GNG7: variants seen among roughly 807,000 people sequenced by gnomAD.
GNG7 encodes guanine nucleotide-binding protein G(I)/G(S)/G(O) subunit gamma-7.
GNG7 carries 1 observed loss-of-function variant against 4.0 expected under a neutral mutation model. The ratio of observed to expected loss-of-function variants is 0.25; its 90% CI spans 0.09 to 1.18. GNG7 has a LOEUF of 1.18. Ranked by LOEUF, GNG7 falls within the 50% of genes most tolerant of loss-of-function variation. The pLI is 0.50. For missense variants in GNG7, 86 were observed against 91.9 expected (o/e 0.94, Z 0.26); for synonymous variants, 34 against 36.9 (o/e 0.92, Z 0.29).
At chr19:2,670,425 G>T (rs114140407) in intron 1 of GNG7, among the ~76,000 whole-genome samples, 1 of 152,186 alleles carries the variant, frequency 6.6e-6, no homozygotes, top group Non-Finnish European at 1.5e-5. Context: ...TCCCAGCGCC[G>T]GTGTCTGCAG....
At chr19:2,564,635 GT>G (rs1979846496) in intron 2 of GNG7, among the ~76,000 whole-genome samples, 1 of 152,070 alleles carries the variant, frequency 6.6e-6, no homozygotes. Context: ...GGACATGGCT[GT>G]GTGGAGATGG....
chr19:2,634,131 C>T lies in GNG7; in HGVS notation c.-78+12093G>A, dbSNP rs770262840. Among the ~76,000 whole-genome samples the T allele has an allele frequency of 3.3e-5, 5 of 152,184 alleles. No individual in the cohort carries two copies. The highest frequency in any genetic ancestry group is 1.3e-4 in the Admixed American group (2 of 15,290). ...AGCTGGGGGTCCTCCTGGTTTACAC[C>T]GTCTGCCCCACTGGGCGTTTATGGT... On this transcript the variant is annotated intron_variant, in intron 2 of 4. Coordinates refer to ENST00000382159, the MANE Select transcript of GNG7 (RefSeq NM_052847.3). This position sits in a 1 kb window ranked among gnomAD's most constrained non-coding sequence, Gnocchi z 5.3.
intron 2 of GNG7, among the ~76,000 whole-genome samples, chr19:2,627,039 G>C (rs1982038784): frequency 1.3e-5 from 2 of 152,120 alleles, no homozygotes; most frequent in African/African-American, 4.8e-5. Flanking sequence ...CCAGCTCCTG[G>C]GACTCATCTC....
At chr19:2,554,171 T>C (rs1361597259) in intron 3 of GNG7, among the ~76,000 whole-genome samples, 1 of 145,250 alleles carries the variant, frequency 6.9e-6, no homozygotes, top group East Asian at 1.9e-4. Context: ...ATATAATATA[T>C]AATATATATA....
chr19:2,581,625 G>T (rs977920573), intron 2 of GNG7, among the ~76,000 whole-genome samples: 9 of 152,182 alleles, frequency 5.9e-5, no homozygotes, highest in Non-Finnish European at 1.0e-4. Context: ...ACCCTGCAGG[G>T]ATGGGACACC....
chr19:2,564,171 G>A (rs370309754), intron 2 of GNG7, among the ~76,000 whole-genome samples: 2 of 152,186 alleles, frequency 1.3e-5, no homozygotes, highest in East Asian at 1.9e-4. Context: ...AGCTTGGCAC[G>A]TAACCTTCTC....
chr19:2,640,946 G>A (rs979599449), intron 2 of GNG7, among the ~76,000 whole-genome samples: 1 of 152,256 alleles, frequency 6.6e-6, no homozygotes, highest in Non-Finnish European at 1.5e-5. Flanking sequence ...AAGTTCTGAC[G>A]TCAATCAGGG....
At chr19:2,645,626 C>T (rs1982645295) in intron 2 of GNG7, among the ~76,000 whole-genome samples, 1 of 152,138 alleles carries the variant, frequency 6.6e-6, no homozygotes, top group Non-Finnish European at 1.5e-5. Flanking sequence ...ACCATCGGGT[C>T]CATTTCCACG....
At chr19:2,515,822 G>A (rs573300606) in intron 4 of GNG7, among the ~76,000 whole-genome samples, 48 of 152,158 alleles carry the variant, frequency 3.2e-4, no homozygotes, top group African/African-American at 1.1e-3. Flanking sequence ...ATGGCTGATG[G>A]GGGACAGGGT....
intron 2 of GNG7, among the ~76,000 whole-genome samples, chr19:2,608,737 G>C (rs1201263356): frequency 6.6e-6 from 1 of 152,136 alleles, no homozygotes; most frequent in African/African-American, 2.4e-5. Context: ...CACTCTCCCG[G>C]GGTCTGCACT....
In GNG7 at chr19:2,513,501, A is replaced by G. The variant is rs1972684949; in HGVS notation, c.*1521T>C. Reference sequence around the variant, plus strand: ...CCGTGCCGCAGAGGAGGACGCAGTCATCTTTCAGAAGCCTCCCCCCGACCC... The same window carrying G: ...CCGTGCCGCAGAGGAGGACGCAGTCGTCTTTCAGAAGCCTCCCCCCGACCC... On this transcript the variant is annotated 3_prime_UTR_variant, in exon 5 of 5. Coordinates refer to ENST00000382159, the MANE Select transcript of GNG7 (RefSeq NM_052847.3). The G allele has an allele frequency of 1.0e-6, 1 of 985,360 alleles. No homozygotes were observed. The highest frequency in any genetic ancestry group is 1.7e-5 in the African/African-American group (1 of 57,232). The allele number at this position is 985,360 out of a possible 1,614,324, so 61.0% of individuals were successfully genotyped here.
At chr19:2,588,540 G>A (rs760015268) in intron 2 of GNG7, among the ~76,000 whole-genome samples, 44 of 152,194 alleles carry the variant, frequency 2.9e-4, no homozygotes, top group Admixed American at 5.2e-4. Context: ...AGCCCAGGGC[G>A]GCGGCAGCTG....
chr19:2,544,477 C>G (rs1221657377), intron 3 of GNG7, among the ~76,000 whole-genome samples: 3 of 152,134 alleles, frequency 2.0e-5, no homozygotes, highest in Non-Finnish European at 2.9e-5. Flanking sequence ...CTCCGCCTCC[C>G]GGGTTCAGGA....
chr19:2,541,927 A>C (rs1420606781), intron 3 of GNG7, among the ~76,000 whole-genome samples: 1 of 151,770 alleles, frequency 6.6e-6, no homozygotes, highest in Non-Finnish European at 1.5e-5. Flanking sequence ...GAAAATAAAA[A>C]TAAAATAAGA....
intron 2 of GNG7, chr19:2,642,959 TGCCGTCG>T (rs1982550373): frequency 2.3e-6 from 1 of 443,302 alleles, no homozygotes; most frequent in African/African-American, 2.2e-5. Flanking sequence ...CTTCTGGCCC[TGCCGTCG>T]GCACCCGAAA....
chr19:2,571,855 CAA>C (rs1002395487), intron 2 of GNG7, among the ~76,000 whole-genome samples: 10 of 151,950 alleles, frequency 6.6e-5, no homozygotes, highest in African/African-American at 2.4e-4. Context: ...CTTGGCCTCC[CAA>C]AGTGTTGGGA....
chr19:2,541,732 A>T (rs1361711497), intron 3 of GNG7, among the ~76,000 whole-genome samples: 1 of 124,684 alleles, frequency 8.0e-6, no homozygotes, highest in Non-Finnish European at 1.8e-5. Context: ...ACACAGCAAG[A>T]CTCCATCAAA....
chr19:2,535,593 C>T (rs866886441), intron 3 of GNG7, among the ~76,000 whole-genome samples: 8 of 152,086 alleles, frequency 5.3e-5, no homozygotes, highest in Admixed American at 2.0e-4. Context: ...GGGGGCTATG[C>T]CTGTCTTTGC....
At chr19:2,591,728 A>T (rs1198423135) in intron 2 of GNG7, among the ~76,000 whole-genome samples, 1 of 152,192 alleles carries the variant, frequency 6.6e-6, no homozygotes. Flanking sequence ...TGCCTGTCAT[A>T]TGTAAAGAGC....
Sources: gnomAD v4.1 joint callset for allele counts (sites outside exome capture counted in the v4.1 genomes callset) on GRCh38, gnomAD v4.1.1 for gene constraint, Gnocchi (gnomAD v3.1) non-coding constraint, MANE v1.5 for transcripts, NCBI Gene and HGNC (gene_info 2026-07-23, HGNC 2026-07-21) for gene names.